Variants in CBFA2T3 observed in about 807,000 individuals in gnomAD.
CBFA2T3 encodes the protein CBFA2/RUNX1 partner transcriptional co-repressor 3, also known as transcriptional corepressor CBFA2T3.
Under a neutral mutation model 58.6 loss-of-function variants are expected in CBFA2T3, and 31 were observed. That is an observed-to-expected ratio of 0.53 (90% CI 0.40 to 0.71). The LOEUF is 0.71. Among genes scored for constraint, CBFA2T3 ranks in the 30% least tolerant of loss-of-function variants. CBFA2T3 has a pLI of 0.00. For synonymous variants in CBFA2T3, 531 were observed against 421.9 expected, an observed-to-expected ratio of 1.26 and a Z score of -3.17; for missense variants, 1,076 against 963.1, an observed-to-expected ratio of 1.12 and a Z score of -1.55.
chr16:88,968,345 G>A (rs1244851035), intron 1 of CBFA2T3, among the ~76,000 whole-genome samples: 1 of 152,186 alleles, frequency 6.6e-6, no homozygotes, highest in Non-Finnish European at 1.5e-5. Context: ...CCCACCCGCC[G>A]CCCGGAGAGC....
intron 1 of CBFA2T3, among the ~76,000 whole-genome samples, chr16:88,926,487 A>G (rs926548502): frequency 2.6e-5 from 4 of 151,984 alleles, no homozygotes; most frequent in Non-Finnish European, 5.9e-5. Flanking sequence ...CTCTCTTTCT[A>G]TCTCTCCTGC....
chr16:88,912,816 C>T (rs544870250), intron 1 of CBFA2T3, among the ~76,000 whole-genome samples: 4 of 152,328 alleles, frequency 2.6e-5, no homozygotes, highest in Non-Finnish European at 5.9e-5. Flanking sequence ...GGGCTTGAAT[C>T]GAGGCCTGTC....
intron 3 of CBFA2T3, among the ~76,000 whole-genome samples, chr16:88,897,192 G>A (rs519507): frequency 0.061 from 9,250 of 152,348 alleles, 631 homozygotes; most frequent in African/African-American, 0.17. Context: ...CAGAGTGGAT[G>A]ACAAGAGCCA....
rs754308573 is a variant in CBFA2T3, at chr16:88,950,488, G to A, written c.151+26169C>T. ...TTCACCCCTCCCCCGGACCGGCACC[G>A]CCACAGAGGGTCAGGAGTGTTGGCA... is the stretch of plus-strand genomic sequence containing the variant. On this transcript the variant is annotated intron_variant, in intron 1 of 11. Transcript: ENST00000268679. The A allele has an allele frequency of 1.6e-4, 62 of 396,478 alleles. 5 individuals are homozygous for A. Among genetic ancestry groups the A allele is most frequent in the Non-Finnish European group, 2.4e-4 (49 of 204,328 alleles). 24.6% of individuals were successfully genotyped at this position (396,478 alleles called of 1,614,324 possible).
chr16:88,951,290 C>T (rs899296098), intron 1 of CBFA2T3: 1 of 456,600 alleles, frequency 2.2e-6, no homozygotes, highest in Admixed American at 2.4e-5. Flanking sequence ...CCTGGACTGG[C>T]ACCAGCACAG....
intron 4 of CBFA2T3, 35 bp from the exon 5 acceptor site, chr16:88,892,006 G>T: frequency 6.4e-7 from 1 of 1,556,252 alleles, no homozygotes; most frequent in Non-Finnish European, 8.8e-7. Context: ...CATCAGCACC[G>T]CTCGGCATGT....
intron 11 of CBFA2T3, among the ~76,000 whole-genome samples, chr16:88,878,320 C>A (rs894516753): frequency 2.0e-5 from 3 of 152,252 alleles, no homozygotes. Flanking sequence ...ATGGCCGGTG[C>A]AGAGACCCCT....
In CBFA2T3 at chr16:88,967,189, G is replaced by A. The variant is rs541219310; in HGVS notation, c.151+9468C>T. Among the ~76,000 whole-genome samples the A allele has an allele frequency of 1.3e-4, 15 of 113,512 alleles. 1 individual carries two copies. The highest frequency in any genetic ancestry group is 1.3e-3 in the South Asian group (4 of 3,182). The allele number at this position is 113,512 out of a possible 152,430, so 74.5% of individuals were successfully genotyped here. A position where few individuals can be genotyped will look rare whatever the true frequency, so the allele number is the denominator to read the frequency against. ...CCCCCAGCCCCCGAGGTGCCACTCG[G>A]CCCCGACACGAGGCAGCGCCATGCC... On this transcript the variant is annotated intron_variant, in intron 1 of 11. Coordinates refer to ENST00000268679, the MANE Select transcript of CBFA2T3 (RefSeq NM_005187.6).
At chr16:88,879,787 G>A (rs1968992960) in intron 10 of CBFA2T3, 2 of 304,460 alleles carry the variant, frequency 6.6e-6, no homozygotes, top group African/African-American at 2.1e-5. Flanking sequence ...CGGCTCCCCA[G>A]GCACTGCACC....
chr16:88,975,029 G>C (rs535539796), intron 1 of CBFA2T3, among the ~76,000 whole-genome samples: 4 of 142,436 alleles, frequency 2.8e-5, no homozygotes, highest in African/African-American at 1.0e-4. Context: ...ACCCAAGTGA[G>C]ACCCTGCTCC....
chr16:88,911,084 C>T (rs1030274453), intron 1 of CBFA2T3, among the ~76,000 whole-genome samples: 116 of 152,256 alleles, frequency 7.6e-4, no homozygotes, highest in Non-Finnish European at 2.5e-4. Context: ...CCCTCCCGCC[C>T]CCACAGGGAC....
chr16:88,915,492 A>G (rs1473566698), intron 1 of CBFA2T3, among the ~76,000 whole-genome samples: 1 of 3,694 alleles, frequency 2.7e-4, no homozygotes, highest in African/African-American at 1.5e-3. Flanking sequence ...CGGGGGCAGC[A>G]TGGACGGGGA....
chr16:88,941,213 G>A, intron 1 of CBFA2T3: 2 of 974,662 alleles, frequency 2.1e-6, no homozygotes, highest in African/African-American at 3.5e-5. Flanking sequence ...GGGCCATGCC[G>A]GGGACTCGGC....
intron 1 of CBFA2T3, among the ~76,000 whole-genome samples, chr16:88,915,396 G>C (rs867169346): frequency 1.2e-4 from 9 of 77,346 alleles, no homozygotes; most frequent in Non-Finnish European, 2.0e-4. Context: ...CAGCATGGAG[G>C]GGGGAGCGTG....
At chr16:88,916,436 G>A (rs1970735414) in intron 1 of CBFA2T3, among the ~76,000 whole-genome samples, 1 of 152,150 alleles carries the variant, frequency 6.6e-6, no homozygotes, top group Non-Finnish European at 1.5e-5. Flanking sequence ...GTCCGTGTGT[G>A]TGTGCACTCA....
At chr16:88,973,245 G>T (rs1371314800) in intron 1 of CBFA2T3, among the ~76,000 whole-genome samples, 4 of 152,248 alleles carry the variant, frequency 2.6e-5, no homozygotes, top group African/African-American at 4.8e-5. Flanking sequence ...TCTGGCCTAG[G>T]GTGGGCTGGG....
intron 7 of CBFA2T3, chr16:88,883,212 T>A: frequency 4.5e-6 from 1 of 223,302 alleles, no homozygotes; most frequent in South Asian, 5.8e-5. Context: ...CACCATGACC[T>A]GGACCTGCCT....
chr16:88,933,696 C>T (rs1370986296), intron 1 of CBFA2T3, among the ~76,000 whole-genome samples: 12 of 105,690 alleles, frequency 1.1e-4, no homozygotes, highest in East Asian at 6.0e-4. Flanking sequence ...ACGCCTCACA[C>T]GCCTCACAGT....
intron 7 of CBFA2T3, chr16:88,883,219 G>A (rs1391894439): frequency 4.9e-6 from 1 of 206,108 alleles, no homozygotes; most frequent in African/African-American, 2.3e-5. Context: ...ACCTGGACCT[G>A]CCTTAGTCCG....
Sources: allele counts gnomAD v4.1 joint callset (sites outside exome capture counted in the v4.1 genomes callset), GRCh38; gene constraint gnomAD v4.1.1; transcripts MANE v1.5; gene names NCBI Gene and HGNC (gene_info 2026-07-23, HGNC 2026-07-21).